The following RIMS2 variants were observed in gnomAD, a reference collection of about 807,000 sequenced individuals.
RIMS2 encodes the protein regulating synaptic membrane exocytosis protein 2.
A neutral mutation model predicts 174.4 loss-of-function variants in RIMS2; 59 were observed. That is an observed-to-expected ratio of 0.34 (90% CI 0.27 to 0.42). The LOEUF (loss-of-function observed/expected upper bound fraction) is 0.42, where lower values mean the gene tolerates loss of function less well. Ranked by LOEUF, RIMS2 falls within the 10% of genes least tolerant of loss-of-function variation. The pLI is 1.00. For synonymous variants in RIMS2, 606 were observed against 572.5 expected (o/e 1.06, Z -0.84); for missense variants, 1,620 against 1,666.3 (o/e 0.97, Z 0.48).
intron 2 of RIMS2, among the ~76,000 whole-genome samples, chr8:103,733,393 G>T (rs1420681617): frequency 1.3e-5 from 2 of 152,060 alleles, no homozygotes; most frequent in Non-Finnish European, 2.9e-5. Context: ...GGGAAGGGGT[G>T]GTGCAAGCAC....
chr8:103,679,706 T>G (rs1291784528), intron 1 of RIMS2, among the ~76,000 whole-genome samples: 3 of 151,962 alleles, frequency 2.0e-5, no homozygotes, highest in African/African-American at 7.2e-5. Flanking sequence ...ATATAGAAGA[T>G]ATACCTGAAA....
chr8:103,700,164 T>C (rs758513709), intron 2 of RIMS2, among the ~76,000 whole-genome samples: 1 of 152,128 alleles, frequency 6.6e-6, no homozygotes, highest in Non-Finnish European at 1.5e-5. Context: ...AAGAGAGGGG[T>C]TTTGAAATAT....
chr8:103,948,683 A>T (rs1428876678), intron 14 of RIMS2, among the ~76,000 whole-genome samples: 1 of 152,200 alleles, frequency 6.6e-6, no homozygotes, highest in East Asian at 1.9e-4. Flanking sequence ...ATAGACACTG[A>T]CTGAAAATGG....
chr8:103,787,630 C>G (rs1178303595), intron 3 of RIMS2, among the ~76,000 whole-genome samples: 1 of 152,168 alleles, frequency 6.6e-6, no homozygotes, highest in East Asian at 1.9e-4. Flanking sequence ...AGGGTTTCTG[C>G]CGAGAGATCT....
At chr8:104,001,795 T>C (rs1221629652) in intron 17 of RIMS2, among the ~76,000 whole-genome samples, 1 of 152,094 alleles carries the variant, frequency 6.6e-6, no homozygotes, top group Non-Finnish European at 1.5e-5. Context: ...TTTATTTCTG[T>C]AATGTTTCGT....
chr8:104,082,507 A>G (rs2097442004), intron 19 of RIMS2, among the ~76,000 whole-genome samples: 1 of 152,170 alleles, frequency 6.6e-6, no homozygotes, highest in Non-Finnish European at 1.5e-5. Context: ...AAACAAAGTT[A>G]TGGCGTTACA....
intron 4 of RIMS2, among the ~76,000 whole-genome samples, chr8:103,904,517 T>C (rs765938498): frequency 1.3e-5 from 2 of 152,184 alleles, no homozygotes; most frequent in South Asian, 2.1e-4. Context: ...AAACCATGAA[T>C]GCATTTTCTA....
intron 1 of RIMS2, among the ~76,000 whole-genome samples, chr8:103,584,896 T>C (rs532723677): frequency 1.5e-5 from 2 of 136,724 alleles, no homozygotes; most frequent in African/African-American, 5.6e-5. Flanking sequence ...AGTAATAACA[T>C]TGAATGTAAA....
intron 19 of RIMS2, among the ~76,000 whole-genome samples, chr8:104,071,939 C>A (rs978800714): frequency 7.2e-5 from 11 of 152,252 alleles, no homozygotes; most frequent in Middle Eastern, 3.4e-3. Context: ...GATCTGACAT[C>A]TTTATAAGGC....
rs1485909943 is a variant in RIMS2, at chr8:103,916,397, A to C, written c.1913-17A>C. 1.3e-6 allele frequency: 2 copies of C among 1,573,474 alleles called. No homozygotes were observed. Among genetic ancestry groups the C allele is most frequent in the Non-Finnish European group, 1.7e-6 (2 of 1,159,494 alleles). The stretch of plus-strand genomic sequence containing the variant: ...AAATTTTCTGTATAAGATTATTATT[A>C]CTGACACCCACTATAGGTGATGAAG... On this transcript the variant is annotated splice_polypyrimidine_tract_variant and intron_variant, in intron 7 of 23. Transcript: ENST00000504942.
chr8:103,737,691 C>T (rs1036124712), intron 2 of RIMS2, among the ~76,000 whole-genome samples: 1 of 152,164 alleles, frequency 6.6e-6, no homozygotes, highest in African/African-American at 2.4e-5. Flanking sequence ...CCATTCTTCC[C>T]CTCAGGTATT....
chr8:104,064,766 T>C (rs2097073708), intron 19 of RIMS2, among the ~76,000 whole-genome samples: 1 of 152,058 alleles, frequency 6.6e-6, no homozygotes, highest in Admixed American at 6.6e-5. Flanking sequence ...TAATATATAT[T>C]TACAAACATG....
chr8:104,096,285 C>T (rs1158962688), intron 19 of RIMS2, among the ~76,000 whole-genome samples: 3 of 152,168 alleles, frequency 2.0e-5, no homozygotes, highest in Admixed American at 1.3e-4. Flanking sequence ...GCCCAGATCC[C>T]ACGCTGCCAT....
At chr8:104,203,323 C>T (rs958893239) in intron 19 of RIMS2, among the ~76,000 whole-genome samples, 2 of 152,008 alleles carry the variant, frequency 1.3e-5, no homozygotes, top group Admixed American at 6.5e-5. Context: ...ATTTCTTAAA[C>T]TGCTAGTTAT....
chr8:103,834,724 C>CTT (rs1358181471), intron 3 of RIMS2, among the ~76,000 whole-genome samples: 6 of 112,082 alleles, frequency 5.4e-5, no homozygotes, highest in African/African-American at 2.0e-4. Context: ...TTCTTTCTTT[C>CTT]TTTCTTTCTT....
chr8:103,834,332 CTTTTTT>C (rs397892077), intron 3 of RIMS2, among the ~76,000 whole-genome samples: 11 of 119,276 alleles, frequency 9.2e-5, no homozygotes, highest in African/African-American at 3.5e-4. Context: ...TTTTCTTTTT[CTTTTTT>C]TTTTTTTTTT....
chr8:103,536,148 G>A (rs768429606), intron 1 of RIMS2, among the ~76,000 whole-genome samples: 1 of 152,144 alleles, frequency 6.6e-6, no homozygotes, highest in Admixed American at 6.5e-5. Flanking sequence ...TATTTTCTGG[G>A]AATGGAAACT....
At chr8:103,745,639 C>A (rs2097802524) in intron 2 of RIMS2, among the ~76,000 whole-genome samples, 1 of 152,128 alleles carries the variant, frequency 6.6e-6, no homozygotes, top group South Asian at 2.1e-4. Context: ...ATTTTCTGTT[C>A]TTTTAAAAAA....
intron 1 of RIMS2, among the ~76,000 whole-genome samples, chr8:103,516,672 C>G (rs1028321718): frequency 6.6e-6 from 1 of 152,016 alleles, no homozygotes; most frequent in Non-Finnish European, 1.5e-5. Context: ...TTCCTACATA[C>G]TTTATGTGCT....
Sources: allele counts gnomAD v4.1 joint callset (sites outside exome capture counted in the v4.1 genomes callset), GRCh38; gene constraint gnomAD v4.1.1; transcripts MANE v1.5; gene names NCBI Gene and HGNC (gene_info 2026-07-23, HGNC 2026-07-21).